Variants in AOX1 observed in about 807,000 individuals in gnomAD.
AOX1 encodes the protein aldehyde oxidase.
Under a neutral mutation model 169.5 loss-of-function variants are expected in AOX1, and 153 were observed. The observed-to-expected ratio is 0.90, with a 90% confidence interval of 0.79 to 1.03. The LOEUF (loss-of-function observed/expected upper bound fraction) is 1.03. Ranked by LOEUF, AOX1 falls within the 50% of genes least tolerant of loss-of-function variation. The pLI is 0.00. For missense variants in AOX1, 1,656 were observed against 1,663.9 expected (o/e 1.00, Z 0.08); for synonymous variants, 562 against 581.9 (o/e 0.97, Z 0.49).
At position 200,669,699 on chromosome 2, in the gene AOX1, C is replaced by G. The variant is rs777068170; in HGVS notation, c.3923C>G (p.Pro1308Arg). 2 of 1,613,476 alleles carry G rather than the reference C, an allele frequency of 1.2e-6. No homozygotes were observed. Among genetic ancestry groups the G allele is most frequent in the Admixed American group, 1.7e-5 (1 of 59,936 alleles). ...GPLTLNSPLT[P>R]EKIRMACEDK... is the part of the protein sequence containing the mutation. ...TTGACCCTTAATAGTCCACTGACCC[C>G]GGAGAAGATTAGGATGGCCTGTGAA... Residue 1308 changes from proline to arginine, a missense_variant, in exon 34 of 35, where the codon CCG becomes CGG. Coordinates refer to ENST00000374700, the MANE Select transcript of AOX1 (RefSeq NM_001159.4).
intron 26 of AOX1, among the ~76,000 whole-genome samples, chr2:200,655,859 A>G (rs1249451619): frequency 6.6e-6 from 1 of 152,242 alleles, no homozygotes; most frequent in African/African-American, 2.4e-5. Context: ...TCTGGTGATT[A>G]ACATGCAGTT....
intron 32 of AOX1, among the ~76,000 whole-genome samples, chr2:200,667,072 C>G (rs1329402128): frequency 6.6e-6 from 1 of 152,180 alleles, no homozygotes; most frequent in Non-Finnish European, 1.5e-5. Context: ...TGAGCCTTAG[C>G]CACACGATGG....
chr2:200,613,378 C>A (rs2034686000), intron 14 of AOX1, among the ~76,000 whole-genome samples: 1 of 152,072 alleles, frequency 6.6e-6, no homozygotes. Context: ...TACTTTGGTT[C>A]CCTAGCTGTC....
intron 34 of AOX1, among the ~76,000 whole-genome samples, chr2:200,670,032 G>A (rs2035997383): frequency 1.3e-5 from 2 of 152,062 alleles, no homozygotes; most frequent in Admixed American, 1.3e-4. Context: ...TCCCTTCCTA[G>A]GACACCTTGG....
intron 1 of AOX1, among the ~76,000 whole-genome samples, chr2:200,592,887 T>C (rs1527947): frequency 0.17 from 26,423 of 152,138 alleles, 2,500 homozygotes; most frequent in Non-Finnish European, 0.21. Flanking sequence ...AGGTAGTGTT[T>C]CTGTTAGCAG....
chr2:200,634,878 A>T lies in AOX1; in HGVS notation c.2309A>T (p.Asp770Val). Reference protein sequence around the residue: ...VVPKGEDQEMDVYVSTQFPKY... With the variant: ...VVPKGEDQEMVVYVSTQFPKY... ...CCCAAGGGAGAGGATCAAGAAATGG[A>T]TGTCTACGTGTCCACACAGTTTCCC... The change falls in exon 21 of 35, where the codon GAT (aspartate) becomes GTT (valine). Residue 770 changes from aspartate to valine, a missense_variant. Coordinates refer to ENST00000374700, the MANE Select transcript of AOX1 (RefSeq NM_001159.4). 2 of 1,614,082 alleles carry T rather than the reference A, an allele frequency of 1.2e-6. No homozygotes were observed. Among genetic ancestry groups the T allele is most frequent in the African/African-American group, 2.7e-5 (2 of 75,040 alleles).
chr2:200,594,812 C>G (rs1475950566), intron 2 of AOX1, among the ~76,000 whole-genome samples: 1 of 152,190 alleles, frequency 6.6e-6, no homozygotes, highest in African/African-American at 2.4e-5. Flanking sequence ...TATTAGGGAA[C>G]AGATGGCAGC....
In AOX1 at chr2:200,638,258, A is replaced by T; in HGVS notation, c.2524A>T (p.Met842Leu). ...CTGTGTTCTGGAACGAGGAGAAGACATGTTAATAACTGGAGGCCGCCATCC... is the reference window on the plus strand; with the variant it reads ...CTGTGTTCTGGAACGAGGAGAAGACTTGTTAATAACTGGAGGCCGCCATCC... ...VRCVLERGEDMLITGGRHPYL... is the reference protein window; with the variant it reads ...VRCVLERGEDLLITGGRHPYL... Residue 842 changes from methionine to leucine, a missense_variant, in exon 23 of 35, where the codon ATG becomes TTG. Met to Leu is a conservative substitution (Grantham distance 15, BLOSUM62 2). Transcript: ENST00000374700. The T allele has an allele frequency of 6.2e-7, 1 of 1,613,802 alleles. No homozygotes were observed. The highest frequency in any genetic ancestry group is 8.5e-7 in the Non-Finnish European group (1 of 1,179,748).
chr2:200,657,158 T>A (rs1201744495), intron 27 of AOX1, among the ~76,000 whole-genome samples: 1 of 73,392 alleles, frequency 1.4e-5, no homozygotes, highest in Non-Finnish European at 2.7e-5. Context: ...ATTCCATCTC[T>A]ACCAAAAATA....
At chr2:200,673,385 G>A (rs894212456), downstream of AOX1, among the ~76,000 whole-genome samples, 19 of 152,182 alleles carry the variant, frequency 1.2e-4, no homozygotes, top group Non-Finnish European at 1.5e-5. Context: ...TTGCTAGGCC[G>A]GAAACGGGAA....
At chr2:200,595,430 C>T in intron 3 of AOX1, 62 bp downstream of exon 3, 1 of 1,235,498 alleles carries the variant, frequency 8.1e-7, no homozygotes, top group Non-Finnish European at 1.2e-6. Context: ...TGTTATATTC[C>T]TTCATTTGGT....
intron 14 of AOX1, 141 bp downstream of exon 14, chr2:200,612,934 G>C: frequency 3.0e-6 from 2 of 669,056 alleles, no homozygotes; most frequent in South Asian, 4.3e-5. Context: ...ATTCCAATAA[G>C]ATTTTGTTAT....
intron 19 of AOX1, among the ~76,000 whole-genome samples, chr2:200,626,886 G>A (rs1233193456): frequency 6.6e-6 from 1 of 152,182 alleles, no homozygotes; most frequent in Admixed American, 6.5e-5. Context: ...GGAGCTATAT[G>A]CACACCTGTT....
intron 20 of AOX1, among the ~76,000 whole-genome samples, chr2:200,633,942 G>A (rs1337933787): frequency 6.6e-6 from 1 of 152,082 alleles, no homozygotes; most frequent in African/African-American, 2.4e-5. Flanking sequence ...TCCCCATGTG[G>A]CATCCACTGA....
At chr2:200,611,260 G>T in intron 12 of AOX1, 124 bp from the exon 13 acceptor site, 2 of 706,940 alleles carry the variant, frequency 2.8e-6, no homozygotes, top group Non-Finnish European at 5.1e-6. Context: ...CGAAGCATAG[G>T]AAGAGCACCT....
rs534839939 is a variant in AOX1, at chr2:200,666,670, CT to C, written c.3544-9del. Reference sequence around the variant, plus strand: ...ATTCTCATTAAAATAAACATTTTAACTTTTTTTTAATACTAGAACATCAGAA... The same window carrying C: ...ATTCTCATTAAAATAAACATTTTAACTTTTTTTAATACTAGAACATCAGAA... On this transcript the variant is annotated splice_polypyrimidine_tract_variant and intron_variant, in intron 31 of 34. Coordinates refer to ENST00000374700, the MANE Select transcript of AOX1 (RefSeq NM_001159.4). 4.2e-5 allele frequency: 67 copies of C among 1,577,454 alleles called. No homozygotes were observed. The highest frequency in any genetic ancestry group is 1.1e-4 in the Admixed American group (6 of 53,708).
chr2:200,629,104 T>C (rs548949176), intron 20 of AOX1, among the ~76,000 whole-genome samples: 3 of 152,258 alleles, frequency 2.0e-5, no homozygotes, highest in South Asian at 4.1e-4. Flanking sequence ...GCCCATCATG[T>C]CTCAACTCTA....
At chr2:200,667,975 G>C (rs73055188) in intron 32 of AOX1, among the ~76,000 whole-genome samples, 3 of 152,072 alleles carry the variant, frequency 2.0e-5, no homozygotes, top group African/African-American at 4.8e-5. Context: ...AAAAACAAAA[G>C]AAGAGGGTGC....
chr2:200,611,565 G>A, intron 13 of AOX1, 72 bp downstream of exon 13: 5 of 1,001,442 alleles, frequency 5.0e-6, no homozygotes, highest in Non-Finnish European at 6.3e-6. Context: ...AGTATATGGT[G>A]GAATAAGAAA....
Sources: gnomAD v4.1 joint callset for allele counts (sites outside exome capture counted in the v4.1 genomes callset) on GRCh38, gnomAD v4.1.1 for gene constraint, MANE v1.5 for transcripts, NCBI Gene and HGNC (gene_info 2026-07-23, HGNC 2026-07-21) for gene names.